Variants in PLB1 observed in about 807,000 individuals in gnomAD.
The protein encoded by PLB1 is phospholipase B1.
A neutral mutation model predicts 227.4 loss-of-function variants in PLB1; 242 were observed. That is an observed-to-expected ratio of 1.06 (90% CI 0.96 to 1.18). The LOEUF (loss-of-function observed/expected upper bound fraction) is 1.18. PLB1 is among the 50% of genes most tolerant of loss of function. PLB1 has a pLI of 0.00. For missense variants in PLB1, 1,858 were observed against 1,816.3 expected (o/e 1.02, Z -0.42); for synonymous variants, 757 against 682.2 (o/e 1.11, Z -1.71).
chr2:28,615,807 T>G (rs1686123080), intron 44 of PLB1, among the ~76,000 whole-genome samples: 1 of 152,226 alleles, frequency 6.6e-6, no homozygotes, highest in Non-Finnish European at 1.5e-5. Context: ...TTCAGTCTCA[T>G]GCATCTTTGC....
intron 12 of PLB1, among the ~76,000 whole-genome samples, chr2:28,541,206 TA>T (rs981585996): frequency 3.5e-4 from 53 of 151,728 alleles, no homozygotes; most frequent in African/African-American, 1.2e-3. Context: ...AATAAATAAA[TA>T]AGGGCGAAGG....
intron 14 of PLB1, 95 bp downstream of exon 14, chr2:28,543,363 C>CA: frequency 7.8e-7 from 1 of 1,286,398 alleles, no homozygotes. Context: ...TGCAGGGCGC[C>CA]CCAGGATCCC....
At chr2:28,532,306 C>A in intron 9 of PLB1, 112 bp downstream of exon 9, 1 of 731,264 alleles carries the variant, frequency 1.4e-6, no homozygotes, top group South Asian at 2.1e-5. Flanking sequence ...CTAATGCCAC[C>A]TATTTTAGAA....
intron 46 of PLB1, among the ~76,000 whole-genome samples, chr2:28,619,414 G>A (rs571296703): frequency 6.6e-6 from 1 of 152,296 alleles, no homozygotes; most frequent in South Asian, 2.1e-4. Context: ...TGAGGAGGGA[G>A]TGTGGAATCT....
chr2:28,578,243 C>T (rs991035563), intron 22 of PLB1, 85 bp downstream of exon 22: 88 of 1,379,268 alleles, frequency 6.4e-5, no homozygotes, highest in Non-Finnish European at 8.1e-5. Flanking sequence ...GTTGGGAGCC[C>T]GGCTTGGGTT....
intron 46 of PLB1, 100 bp from the exon 47 acceptor site, chr2:28,620,165 G>A (rs1422562358): frequency 2.7e-6 from 2 of 736,184 alleles, no homozygotes; most frequent in Non-Finnish European, 4.3e-6. Context: ...TTTTAGAAAA[G>A]GCAAATCCAG....
intron 25 of PLB1, among the ~76,000 whole-genome samples, chr2:28,584,244 A>G (rs192154329): frequency 6.6e-6 from 1 of 152,204 alleles, no homozygotes; most frequent in African/African-American, 2.4e-5. Flanking sequence ...TGCTCTTGGA[A>G]GTTAAGGGGT....
rs1681636550 is a variant in PLB1, at chr2:28,590,084, G to A, written c.2088+8G>A. 6.2e-7 allele frequency: 1 copy of A among 1,606,226 alleles called. No individual in the cohort carries two copies. The highest frequency in any genetic ancestry group is 8.5e-7 in the Non-Finnish European group (1 of 1,172,842). On this transcript the variant is annotated splice_region_variant and intron_variant, in intron 29 of 57. Transcript: ENST00000327757. ...ATCACATGTCCGAACCAGGTAGAGT[G>A]GAAAGCACGTCCTTCCAGGCTCCGG... is the stretch of plus-strand genomic sequence containing the variant.
Position 28,602,925 on chromosome 2 carries a change from G to A in PLB1, c.2774+4G>A. On this transcript the variant is annotated splice_donor_region_variant and intron_variant, in intron 39 of 57. Transcript: ENST00000327757. Reference sequence around the variant, plus strand: ...AGTGCCCAGTGCAGCAGGCCAGGTAGGCAGGTCCTGGCTGTCCCCACACTG... The same window carrying A: ...AGTGCCCAGTGCAGCAGGCCAGGTAAGCAGGTCCTGGCTGTCCCCACACTG... 1 of 1,612,554 alleles carries A rather than the reference G, an allele frequency of 6.2e-7. No homozygotes were observed. Among genetic ancestry groups the A allele is most frequent in the Non-Finnish European group, 8.5e-7 (1 of 1,178,590 alleles).
chr2:28,573,782 C>G (rs901261670), intron 21 of PLB1, among the ~76,000 whole-genome samples: 1 of 152,232 alleles, frequency 6.6e-6, no homozygotes, highest in Non-Finnish European at 1.5e-5. Flanking sequence ...CTCTAAGCCT[C>G]AGACTCTACG....
intron 21 of PLB1, 139 bp from the exon 22 acceptor site, chr2:28,577,968 G>A (rs1218665594): frequency 4.6e-5 from 37 of 803,344 alleles, no homozygotes; most frequent in Admixed American, 1.4e-4. Context: ...GAAGCTCTGC[G>A]ACACGGCCTT....
chr2:28,528,607 A>G (rs1670590329), intron 6 of PLB1, among the ~76,000 whole-genome samples: 1 of 152,220 alleles, frequency 6.6e-6, no homozygotes, highest in Non-Finnish European at 1.5e-5. Flanking sequence ...AAACCCCAGC[A>G]ACCTCAGTTA....
At chr2:28,505,545 G>A (rs1169347028) in intron 1 of PLB1, among the ~76,000 whole-genome samples, 1 of 152,156 alleles carries the variant, frequency 6.6e-6, no homozygotes, top group Non-Finnish European at 1.5e-5. Flanking sequence ...TGTTGCCTTG[G>A]TAACGTACCC....
chr2:28,620,735 G>A, intron 48 of PLB1, 92 bp downstream of exon 48: 4 of 1,577,578 alleles, frequency 2.5e-6, no homozygotes, highest in Non-Finnish European at 1.7e-6. Flanking sequence ...GAGGTTATCT[G>A]CAAGAAGGGA....
chr2:28,613,806 G>A (rs1685810693), intron 43 of PLB1, among the ~76,000 whole-genome samples: 1 of 152,194 alleles, frequency 6.6e-6, no homozygotes, highest in African/African-American at 2.4e-5. Flanking sequence ...AGACTACAAT[G>A]GGTATGAAAC....
intron 13 of PLB1, 79 bp from the exon 14 acceptor site, chr2:28,543,133 G>A: frequency 1.4e-6 from 2 of 1,460,146 alleles, no homozygotes; most frequent in Non-Finnish European, 1.9e-6. Context: ...CTATGCCAGA[G>A]AGAGCTTCAA....
intron 19 of PLB1, among the ~76,000 whole-genome samples, chr2:28,566,136 C>CTAAA (rs775834853): frequency 2.6e-5 from 4 of 152,202 alleles, no homozygotes; most frequent in Non-Finnish European, 5.9e-5. Context: ...CTGACACCTG[C>CTAAA]TTTAACCTGA....
intron 37 of PLB1, 126 bp downstream of exon 37, chr2:28,601,458 A>G: frequency 1.4e-6 from 1 of 694,446 alleles, no homozygotes; most frequent in Non-Finnish European, 2.5e-6. Flanking sequence ...ATGTCTGCAC[A>G]TATACACATA....
At chr2:28,586,324 A>G (rs980263864) in intron 26 of PLB1, among the ~76,000 whole-genome samples, 11 of 152,200 alleles carry the variant, frequency 7.2e-5, no homozygotes, top group African/African-American at 2.2e-4. Flanking sequence ...CTCCGCTCCT[A>G]TAGAATGGAT....
Sources: allele counts gnomAD v4.1 joint callset (sites outside exome capture counted in the v4.1 genomes callset), GRCh38; gene constraint gnomAD v4.1.1; transcripts MANE v1.5; gene names NCBI Gene and HGNC (gene_info 2026-07-23, HGNC 2026-07-21).